Variants in SVIL observed in about 807,000 individuals in gnomAD.
SVIL encodes the protein supervillin, also known as archvillin.
Under a neutral mutation model 240.4 loss-of-function variants are expected in SVIL, and 101 were observed. That is an observed-to-expected ratio of 0.42 (90% CI 0.36 to 0.50). SVIL has a LOEUF of 0.50. Ranked by LOEUF, SVIL falls within the 20% of genes least tolerant of loss-of-function variation. SVIL has a pLI of 0.01. For synonymous variants in SVIL, 999 were observed against 1,100.0 expected (o/e 0.91, Z 1.82); for missense variants, 2,512 against 2,818.7 (o/e 0.89, Z 2.46).
chr10:29,524,784 A>G, intron 13 of SVIL, 69 bp from the exon 14 acceptor site: 1 of 1,588,180 alleles, frequency 6.3e-7, no homozygotes, highest in South Asian at 1.1e-5. Flanking sequence ...TTTCTACGTT[A>G]ACTTTCTGCC....
intron 3 of SVIL, chr10:29,647,022 G>T (rs1411919287): frequency 6.6e-6 from 1 of 152,234 alleles, no homozygotes; most frequent in East Asian, 1.9e-4. Flanking sequence ...TATAAGGTTT[G>T]CAGAATCACG....
At chr10:29,576,413 C>T (rs1955698649) in intron 1 of SVIL, among the ~76,000 whole-genome samples, 1 of 152,126 alleles carries the variant, frequency 6.6e-6, no homozygotes, top group East Asian at 1.9e-4. Flanking sequence ...AACCTATTAA[C>T]TTCTAATTTA....
At chr10:29,599,938 T>C (rs1319785646) in intron 1 of SVIL, among the ~76,000 whole-genome samples, 1 of 151,936 alleles carries the variant, frequency 6.6e-6, no homozygotes, top group Non-Finnish European at 1.5e-5. Flanking sequence ...AGGAGTAGGG[T>C]AATCTGGTAA....
At chr10:29,504,023 G>A (rs1949090300) in intron 17 of SVIL, among the ~76,000 whole-genome samples, 2 of 152,180 alleles carry the variant, frequency 1.3e-5, no homozygotes, top group South Asian at 4.1e-4. Context: ...GGAATAGAGA[G>A]CTCAATAATA....
At chr10:29,690,021 T>C (rs1961382086) in intron 1 of SVIL, among the ~76,000 whole-genome samples, 1 of 152,228 alleles carries the variant, frequency 6.6e-6, no homozygotes, top group African/African-American at 2.4e-5. Context: ...TAGAACTTTC[T>C]ACAGTGATTT....
intron 2 of SVIL, among the ~76,000 whole-genome samples, chr10:29,681,431 G>GTGTA (rs1216441060): frequency 2.0e-4 from 30 of 151,598 alleles, no homozygotes; most frequent in African/African-American, 7.3e-4. Context: ...GTGTGTGTGT[G>GTGTA]TGTGTGTGTG....
At chr10:29,468,281 T>C (rs1945156113) in intron 32 of SVIL, among the ~76,000 whole-genome samples, 1 of 152,226 alleles carries the variant, frequency 6.6e-6, no homozygotes, top group South Asian at 2.1e-4. Context: ...TGCATCCATG[T>C]TGTAGCATGT....
At chr10:29,729,683 A>C (rs528293046) in intron 1 of SVIL, among the ~76,000 whole-genome samples, 51 of 149,828 alleles carry the variant, frequency 3.4e-4, no homozygotes, top group Non-Finnish European at 6.5e-4. Context: ...AAAACACAAA[A>C]AGTAGCTGGG....
chr10:29,648,394 G>A (rs1330585366), intron 3 of SVIL, among the ~76,000 whole-genome samples: 1 of 152,160 alleles, frequency 6.6e-6, no homozygotes, highest in African/African-American at 2.4e-5. Context: ...AAAGTTATTT[G>A]CACAGATCCA....
At chr10:29,632,236 T>C (rs1958125706) in intron 1 of SVIL, among the ~76,000 whole-genome samples, 1 of 152,156 alleles carries the variant, frequency 6.6e-6, no homozygotes, top group East Asian at 1.9e-4. Flanking sequence ...ATGCCTGTAA[T>C]CCCAGAACTT....
intron 6 of SVIL, among the ~76,000 whole-genome samples, chr10:29,550,240 C>G (rs1953162979): frequency 6.7e-6 from 1 of 149,582 alleles, no homozygotes; most frequent in South Asian, 2.1e-4. Flanking sequence ...AATTTGTGAT[C>G]AGCCTGGGCA....
intron 1 of SVIL, among the ~76,000 whole-genome samples, chr10:29,608,760 C>G (rs1247427): frequency 0.42 from 63,911 of 152,070 alleles, 13,615 homozygotes; most frequent in African/African-American, 0.46. Context: ...AGATAGCCTG[C>G]GTGCCATGGA....
chr10:29,487,403 T>G, intron 23 of SVIL, 104 bp from the exon 24 acceptor site: 2 of 1,251,456 alleles, frequency 1.6e-6, no homozygotes, highest in Non-Finnish European at 2.2e-6. Context: ...TTCTAAAGAG[T>G]CTTGTCTGCT....
At chr10:29,504,622 G>A (rs1348235912) in intron 17 of SVIL, among the ~76,000 whole-genome samples, 2 of 152,194 alleles carry the variant, frequency 1.3e-5, no homozygotes. Context: ...CTCATCATTA[G>A]AGACTTGCAA....
chr10:29,549,893 G>A, intron 6 of SVIL, among the ~76,000 whole-genome samples: 1 of 99,326 alleles, frequency 1.0e-5, no homozygotes, highest in Admixed American at 1.2e-4. Flanking sequence ...GAGGGGGGAG[G>A]GATAGCATTG....
chr10:29,660,572 C>T (rs957700433), intron 2 of SVIL, among the ~76,000 whole-genome samples: 7 of 152,162 alleles, frequency 4.6e-5, no homozygotes, highest in Admixed American at 3.9e-4. Context: ...CTCACCACTG[C>T]ACTCCAGCCT....
chr10:29,477,850 A>T (rs187976772), intron 29 of SVIL, among the ~76,000 whole-genome samples: 314 of 152,190 alleles, frequency 2.1e-3, no homozygotes, highest in African/African-American at 7.4e-3. Flanking sequence ...GAAAGGAATC[A>T]CCCGGCTCAA....
At chr10:29,732,984 A>G (rs1165510411) in intron 1 of SVIL, among the ~76,000 whole-genome samples, 1 of 152,192 alleles carries the variant, frequency 6.6e-6, no homozygotes, top group Non-Finnish European at 1.5e-5. Context: ...GAAAAGCTCT[A>G]CAGTTCTGGA....
At chr10:29,485,588 C>T (rs916105396) in intron 26 of SVIL, among the ~76,000 whole-genome samples, 5 of 152,204 alleles carry the variant, frequency 3.3e-5, no homozygotes, top group African/African-American at 9.7e-5. Flanking sequence ...AATACTCTTC[C>T]ACCCAATTAA....
Sources: allele counts gnomAD v4.1 joint callset (sites outside exome capture counted in the v4.1 genomes callset), GRCh38; gene constraint gnomAD v4.1.1; transcripts MANE v1.5; gene names NCBI Gene and HGNC (gene_info 2026-07-23, HGNC 2026-07-21).